SRSF5: variants seen among roughly 807,000 people sequenced by gnomAD.
The protein encoded by SRSF5 is serine and arginine rich splicing factor 5, also known as serine/arginine-rich splicing factor 5.
SRSF5 carries 5 observed loss-of-function variants against 34.0 expected under a neutral mutation model. The observed-to-expected ratio is 0.15, with a 90% CI of 0.08 to 0.31. The LOEUF (loss-of-function observed/expected upper bound fraction) is 0.31, where lower values mean the gene tolerates loss of function less well. Ranked by LOEUF, SRSF5 falls within the 10% of genes least tolerant of loss-of-function variation. The pLI, the probability that SRSF5 is intolerant of heterozygous loss-of-function variation, is 1.00. For synonymous variants in SRSF5, 164 were observed against 117.7 expected (o/e 1.39, Z -2.55); for missense variants, 223 against 351.4 (o/e 0.63, Z 2.92).
intron 1 of SRSF5, chr14:69,767,602 G>T (rs774440933): frequency 2.2e-6 from 1 of 453,536 alleles, no homozygotes; most frequent in South Asian, 1.6e-5. Flanking sequence ...TGACCCCCGA[G>T]AAGGGGGTTG....
intron 1 of SRSF5, chr14:69,767,929 G>A (rs934757954): frequency 9.6e-6 from 5 of 519,852 alleles, no homozygotes; most frequent in Middle Eastern, 5.2e-4. Context: ...CGGTTGCTGC[G>A]GTCTGGGCCC....
intron 6 of SRSF5, 150 bp from the exon 7 acceptor site, chr14:69,770,845 T>G: frequency 3.9e-6 from 3 of 761,720 alleles, no homozygotes; most frequent in Non-Finnish European, 6.4e-6. Flanking sequence ...GTGCCAAAAC[T>G]TTGCTCTTTT....
At position 69,770,405 on chromosome 14, in the gene SRSF5, CAT is replaced by C. The variant is rs907445526; in HGVS notation, c.367-61_367-60del. 576 of 1,580,130 alleles carry C rather than the reference CAT, an allele frequency of 3.6e-4. 1 individual carries two copies. The East Asian group carries it at 7.1e-3, about 20-fold the overall frequency. ...TTCAGTAGTCTTGTTTTTTTTATAT[CAT>C]GTGATTGTTTGTGTGTCCCCTTTCC... On this transcript the variant is annotated intron_variant, in intron 5 of 7. Transcript: ENST00000557154.
rs1353370200 is a variant in SRSF5 at position 69,771,604 on chromosome 14, A to G, written c.*143A>G. On this transcript the variant is annotated 3_prime_UTR_variant, in exon 8 of 8. Coordinates refer to ENST00000557154, the MANE Select transcript of SRSF5 (RefSeq NM_001320214.2). ...GAAGGGGGGTTGGGTTGGGCTGGATATCTTTGTAGATGTGGACCACCAAGG... is the reference window on the plus strand; with the variant it reads ...GAAGGGGGGTTGGGTTGGGCTGGATGTCTTTGTAGATGTGGACCACCAAGG... The G allele has an allele frequency of 2.1e-6, 2 of 936,384 alleles. No individual in the cohort carries two copies. Among genetic ancestry groups the G allele is most frequent in the Non-Finnish European group, 3.1e-6 (2 of 638,342 alleles). The allele number at this position is 936,384 out of a possible 1,614,324, so 58.0% of individuals were successfully genotyped here. A position where few individuals can be genotyped will look rare whatever the true frequency, so the allele number is the denominator to read the frequency against.
Position 69,771,430 on chromosome 14 carries a change from C to T in SRSF5, c.788C>T (p.Ser263Leu). 1 of 1,614,156 alleles carries T rather than the reference C, an allele frequency of 6.2e-7. No individual in the cohort carries two copies. The highest frequency in any genetic ancestry group is 8.5e-7 in the Non-Finnish European group (1 of 1,179,972). ...GATCGCCAGAGGTCCCGGTCCCGAT[C>T]AAGGTCCAGATCAGTTGACAGTGGC... ...SVDRQRSRSR[S>L]RSRSVDSGN Residue 263 changes from serine (S) to leucine (L), a missense_variant, in exon 8 of 8, where the codon TCA becomes TTA. Ser to Leu is a moderately radical substitution (Grantham distance 145, BLOSUM62 -2). Transcript: ENST00000557154.
chr14:69,768,512 C>G, intron 2 of SRSF5, 92 bp from the exon 3 acceptor site: 1 of 1,343,926 alleles, frequency 7.4e-7, no homozygotes. Flanking sequence ...TTAAGATACT[C>G]TTCCCATTCT....
In SRSF5 at chr14:69,771,743, A is replaced by C; in HGVS notation, c.*282A>C. On this transcript the variant is annotated 3_prime_UTR_variant, in exon 8 of 8. Transcript: ENST00000557154. ...ATTGACAGAGCTCTTTTATAACTAA[A>C]GCAAATTTAATTTTTTTGTACTAGA... The C allele has an allele frequency of 3.3e-6, 1 of 300,080 alleles. No homozygotes were observed. The highest frequency in any genetic ancestry group is 6.1e-6 in the Non-Finnish European group (1 of 163,074). 18.6% of individuals were successfully genotyped at this position (300,080 alleles called of 1,614,324 possible). A position where few individuals can be genotyped will look rare whatever the true frequency, so the allele number is the denominator to read the frequency against.
chr14:69,770,793 A>G (rs769134503), intron 6 of SRSF5: 1 of 647,300 alleles, frequency 1.5e-6, no homozygotes, highest in African/African-American at 1.8e-5. Flanking sequence ...CCCACGGTGC[A>G]TAGGGAACCC....
In SRSF5 at chr14:69,771,542, C is replaced by T. The variant is rs3208848; in HGVS notation, c.*81C>T. On this transcript the variant is annotated 3_prime_UTR_variant, in exon 8 of 8. Transcript: ENST00000557154. ...TCCCAAACCATACTTGCTAAAAATTCTGGTAAGTATGTGCTTTTCTGTGGG... is the reference window on the plus strand; with the variant it reads ...TCCCAAACCATACTTGCTAAAAATTTTGGTAAGTATGTGCTTTTCTGTGGG... The T allele has an allele frequency of 1.4e-5, 20 of 1,397,102 alleles. No homozygotes were observed. The highest frequency in any genetic ancestry group is 2.8e-5 in the South Asian group (2 of 70,858). The allele number at this position is 1,397,102 out of a possible 1,614,324, so 86.5% of individuals were successfully genotyped here.
intron 5 of SRSF5, 188 bp from the exon 6 acceptor site, chr14:69,770,279 G>A (rs959395082): frequency 1.3e-5 from 18 of 1,372,892 alleles, no homozygotes; most frequent in South Asian, 1.7e-5. Context: ...AAAGCAATAT[G>A]CTATTTGCTT....
chr14:69,767,319 G>GTGAGATC, intron 1 of SRSF5, 64 bp downstream of exon 1: 1 of 448,992 alleles, frequency 2.2e-6, no homozygotes, highest in Non-Finnish European at 4.4e-6. Flanking sequence ...CGCTCAGATC[G>GTGAGATC]TGAGCGGCCG....
Position 69,768,586 on chromosome 14 carries a change from CTT to C in SRSF5, c.127-17_127-16del. 6.2e-7 allele frequency: 1 copy of C among 1,612,460 alleles called. No homozygotes were observed. ...CTCTTCTAAAGCCAATGTTAAGAGTCTTATGCTTACATTTTAGGAATTTGAGG... is the reference window on the plus strand; with the variant it reads ...CTCTTCTAAAGCCAATGTTAAGAGTCATGCTTACATTTTAGGAATTTGAGG... On this transcript the variant is annotated splice_polypyrimidine_tract_variant and intron_variant, in intron 2 of 7. Transcript: ENST00000557154.
chr14:69,768,528 C>T (rs967030733), intron 2 of SRSF5, 76 bp from the exon 3 acceptor site: 4 of 1,435,956 alleles, frequency 2.8e-6, no homozygotes, highest in African/African-American at 1.4e-5. Context: ...ATTCTGTCTC[C>T]TGATTTCAGT....
chr14:69,768,056 C>T (rs1882747430), intron 1 of SRSF5, 82 bp from the exon 2 acceptor site: 3 of 1,473,314 alleles, frequency 2.0e-6, no homozygotes, highest in Non-Finnish European at 2.8e-6. Context: ...ACATTTTATG[C>T]CGTTGATGTT....
chr14:69,770,450 A>G lies in SRSF5; in HGVS notation c.367-17A>G. 1 of 1,612,690 alleles carries G rather than the reference A, an allele frequency of 6.2e-7. No homozygotes were observed. The highest frequency in any genetic ancestry group is 8.5e-7 in the Non-Finnish European group (1 of 1,179,620). The stretch of plus-strand genomic sequence containing the variant: ...CCCTTTCCTCTTCTTTGCTTAACAC[A>G]ATTATCTTGTGTTAAGGATCTCAAA... On this transcript the variant is annotated splice_polypyrimidine_tract_variant and intron_variant, in intron 5 of 7. Transcript: ENST00000557154.
Position 69,768,250 on chromosome 14 carries a change from GAT to G in SRSF5, c.97_98del (p.Ile33Ter). On this transcript the variant is annotated frameshift_variant, in exon 2 of 8. Transcript: ENST00000557154. LOFTEE classifies it high-confidence loss of function. ...RFFKGYGRIR[D>X]IDLKRGFGFV... ...CTTCAAGGGATATGGACGGATAAGA[GAT>G]ATTGATCTGAAAAGAGGCTTTGGTT... The G allele has an allele frequency of 6.2e-7, 1 of 1,614,230 alleles. No homozygotes were observed. The highest frequency in any genetic ancestry group is 8.5e-7 in the Non-Finnish European group (1 of 1,180,042).
Position 69,771,533 on chromosome 14 carries a change from C to A in SRSF5, c.*72C>A. ...CACAAAAATTCCCAAACCATACTTGCTAAAAATTCTGGTAAGTATGTGCTT... is the reference window on the plus strand; with the variant it reads ...CACAAAAATTCCCAAACCATACTTGATAAAAATTCTGGTAAGTATGTGCTT... On this transcript the variant is annotated 3_prime_UTR_variant, in exon 8 of 8. Transcript: ENST00000557154. 10 of 1,420,278 alleles carry A rather than the reference C, an allele frequency of 7.0e-6. No homozygotes were observed. Among genetic ancestry groups the A allele is most frequent in the African/African-American group, 1.5e-5 (1 of 67,858 alleles). 88.0% of individuals were successfully genotyped at this position (1,420,278 alleles called of 1,614,324 possible). A position where few individuals can be genotyped will look rare whatever the true frequency, so the allele number is the denominator to read the frequency against.
At chr14:69,771,129 A>G (rs1392546509) in intron 7 of SRSF5, 24 bp downstream of exon 7, 18 of 1,612,846 alleles carry the variant, frequency 1.1e-5, no homozygotes, top group Admixed American at 1.7e-5. Context: ...TTTAAAGTCA[A>G]AAGTTGTATT....
At chr14:69,768,563 C>T (rs761184350) in intron 2 of SRSF5, 41 bp from the exon 3 acceptor site, 1 of 1,584,080 alleles carries the variant, frequency 6.3e-7, no homozygotes, top group Non-Finnish European at 8.7e-7. Flanking sequence ...GTAGAATACT[C>T]TTCTAAAGCC....
Sources: gnomAD v4.1 joint callset for allele counts on GRCh38, gnomAD v4.1.1 for gene constraint, MANE v1.5 for transcripts, NCBI Gene and HGNC (gene_info 2026-07-23, HGNC 2026-07-21) for gene names.